The following ANKRD22 variants were observed in gnomAD, a reference collection of about 807,000 sequenced individuals.
ANKRD22 encodes the protein ankyrin repeat domain 22.
ANKRD22 carries 24 observed loss-of-function variants against 25.7 expected under a neutral mutation model. That is an observed-to-expected ratio of 0.93 (90% CI 0.68 to 1.31). ANKRD22 has a LOEUF of 1.31. ANKRD22 is among the 50% of genes most tolerant of loss of function. The pLI is 0.00. For missense variants in ANKRD22, 214 were observed against 227.1 expected (o/e 0.94, Z 0.37); for synonymous variants, 84 against 84.3 (o/e 1.00, Z 0.02).
intron 1 of ANKRD22, among the ~76,000 whole-genome samples, chr10:88,839,852 T>A (rs556849985): frequency 8.5e-5 from 13 of 152,290 alleles, no homozygotes; most frequent in Admixed American, 7.9e-4. Flanking sequence ...ATTGCAATCA[T>A]GTTTGCACCA....
chr10:88,826,428 A>T (rs1564602524), intron 3 of ANKRD22, among the ~76,000 whole-genome samples: 1 of 152,148 alleles, frequency 6.6e-6, no homozygotes, highest in South Asian at 2.1e-4. Flanking sequence ...TCCTGGCTCA[A>T]AGCTGTGCAA....
rs576187172 is a variant in ANKRD22 at position 88,825,987 on chromosome 10, A to C, written c.399+51T>G. 8.9e-6 allele frequency: 13 copies of C among 1,462,538 alleles called. No homozygotes were observed. In the East Asian group the frequency reaches 1.8e-4, roughly 20 times the overall value. 90.6% of individuals were successfully genotyped at this position (1,462,538 alleles called of 1,614,324 possible). ...TGTACAGATGACAAATACGCTACCT[A>C]CAAATACCATTTTGAATATTTTTTC... On this transcript the variant is annotated intron_variant, in intron 4 of 5. Coordinates refer to ENST00000371930, the MANE Select transcript of ANKRD22 (RefSeq NM_144590.3).
intron 1 of ANKRD22, among the ~76,000 whole-genome samples, chr10:88,840,566 G>A (rs1843994860): frequency 6.6e-6 from 1 of 151,802 alleles, no homozygotes; most frequent in Non-Finnish European, 1.5e-5. Context: ...AGAGGAATTG[G>A]TTCACTGTTT....
chr10:88,836,371 G>A (rs544930226), intron 1 of ANKRD22, among the ~76,000 whole-genome samples: 2 of 152,308 alleles, frequency 1.3e-5, no homozygotes, highest in Admixed American at 1.3e-4. Flanking sequence ...ATAAGAGAAG[G>A]AAGAAATTAT....
intron 1 of ANKRD22, among the ~76,000 whole-genome samples, chr10:88,844,300 G>T (rs1426539468): frequency 6.6e-6 from 1 of 152,122 alleles, no homozygotes; most frequent in Non-Finnish European, 1.5e-5. Context: ...AAGGAAAATT[G>T]GGTCTCGTAG....
At position 88,826,095 on chromosome 10, in the gene ANKRD22, A is replaced by T; in HGVS notation, c.342T>A (p.Asn114Lys). ...CAAGTAGCATTCGTACAAGAGCCTC[A>T]TTCTGCTTTGTCTTTGATACCTATT... is the stretch of plus-strand genomic sequence containing the variant. The part of the protein sequence containing the change: ...YFLMVSKTKQ[N>K]EALVRMLLDA... Residue 114 changes from asparagine to lysine, a missense_variant, in exon 4 of 6, where the codon AAT (asparagine) becomes AAA (lysine). Coordinates refer to ENST00000371930, the MANE Select transcript of ANKRD22 (RefSeq NM_144590.3). The T allele has an allele frequency of 1.2e-6, 2 of 1,612,592 alleles. No individual in the cohort carries two copies. The highest frequency in any genetic ancestry group is 1.7e-6 in the Non-Finnish European group (2 of 1,179,036).
chr10:88,839,408 G>A (rs1843984126), intron 1 of ANKRD22, among the ~76,000 whole-genome samples: 1 of 152,106 alleles, frequency 6.6e-6, no homozygotes, highest in African/African-American at 2.4e-5. Flanking sequence ...AACCACTGCT[G>A]TTCTGCAAGC....
chr10:88,828,623 G>A lies in ANKRD22; in HGVS notation c.257C>T (p.Thr86Ile), dbSNP rs139978877. 1.6e-4 allele frequency: 264 copies of A among 1,610,226 alleles called. 1 individual carries two copies. The African/African-American group carries it at 2.9e-3, about 17-fold the overall frequency. ...CLHYAVKKKFTFIDYLLIILL... is the reference protein window; with the variant it reads ...CLHYAVKKKFIFIDYLLIILL... ...GATAATTAGTAGATAATCAATGAAG[G>A]TAAATTTTTTCTTCACAGCATAATG... Residue 86 changes from threonine to isoleucine, a missense_variant, in exon 3 of 6, where the codon ACC becomes ATC. Physicochemically the swap from Thr to Ile is moderately conservative, Grantham distance 89 (BLOSUM62 -1). Coordinates refer to ENST00000371930, the MANE Select transcript of ANKRD22 (RefSeq NM_144590.3).
At chr10:88,827,978 C>T (rs140506467) in intron 3 of ANKRD22, among the ~76,000 whole-genome samples, 7 of 152,220 alleles carry the variant, frequency 4.6e-5, no homozygotes, top group African/African-American at 1.7e-4. Flanking sequence ...TCTTCTACTC[C>T]TCATATGACT....
At chr10:88,845,201 C>T (rs74147297) in intron 1 of ANKRD22, among the ~76,000 whole-genome samples, 1 of 152,078 alleles carries the variant, frequency 6.6e-6, no homozygotes, top group African/African-American at 2.4e-5. Flanking sequence ...CAGAAAATCT[C>T]CTGTTTGACT....
intron 4 of ANKRD22, among the ~76,000 whole-genome samples, chr10:88,825,381 T>C (rs4934423): frequency 0.31 from 46,632 of 152,224 alleles, 8,292 homozygotes; most frequent in East Asian, 0.44. Flanking sequence ...CAACACCTTA[T>C]GCTCATAAAC....
chr10:88,839,731 C>A (rs1843986938), intron 1 of ANKRD22, among the ~76,000 whole-genome samples: 1 of 152,128 alleles, frequency 6.6e-6, no homozygotes, highest in African/African-American at 2.4e-5. Context: ...ATGGATTCAT[C>A]CGATCTGGCT....
intron 1 of ANKRD22, among the ~76,000 whole-genome samples, chr10:88,838,262 T>C (rs1437560294): frequency 2.6e-5 from 4 of 152,068 alleles, no homozygotes; most frequent in Admixed American, 2.6e-4. Flanking sequence ...CAAACCTAGA[T>C]GAGGGAAGAG....
chr10:88,828,895 G>T (rs1324100042), intron 2 of ANKRD22, among the ~76,000 whole-genome samples: 1 of 152,132 alleles, frequency 6.6e-6, no homozygotes, highest in Non-Finnish European at 1.5e-5. Context: ...GTCAACAAAG[G>T]TGAAATGTAC....
Position 88,820,560 on chromosome 10 carries a change from A to G in ANKRD22, c.*2381T>C. On this transcript the variant is annotated 3_prime_UTR_variant, in exon 6 of 6. Transcript: ENST00000371930. Reference sequence around the variant, plus strand: ...CTGAGGGATGGGGCTAGGACCCATGAAGGCAGAATTACGGAGAGCAGAGAC... The same window carrying G: ...CTGAGGGATGGGGCTAGGACCCATGGAGGCAGAATTACGGAGAGCAGAGAC... The G allele has an allele frequency of 6.8e-7, 1 of 1,477,484 alleles. No homozygotes were observed. Among genetic ancestry groups the G allele is most frequent in the Non-Finnish European group, 9.1e-7 (1 of 1,104,508 alleles). The allele number at this position is 1,477,484 out of a possible 1,614,324, so 91.5% of individuals were successfully genotyped here. A position where few individuals can be genotyped will look rare whatever the true frequency, so the allele number is the denominator to read the frequency against.
chr10:88,829,997 T>C (rs1327257793), intron 2 of ANKRD22, among the ~76,000 whole-genome samples: 1 of 150,348 alleles, frequency 6.7e-6, no homozygotes, highest in East Asian at 2.0e-4. Flanking sequence ...CTATGTTGCC[T>C]AGGCAGGTCT....
intron 1 of ANKRD22, among the ~76,000 whole-genome samples, chr10:88,846,624 T>C (rs1012263102): frequency 6.6e-6 from 1 of 152,164 alleles, no homozygotes; most frequent in Non-Finnish European, 1.5e-5. Context: ...TTTGTTAGCA[T>C]GATAATGGAC....
chr10:88,850,567 G>T (rs563669425), intron 1 of ANKRD22, among the ~76,000 whole-genome samples: 3 of 152,062 alleles, frequency 2.0e-5, no homozygotes, highest in Non-Finnish European at 4.4e-5. Flanking sequence ...CTCTGGGTTG[G>T]AGTCCCTTGA....
chr10:88,834,831 T>G (rs1202516764), intron 1 of ANKRD22, among the ~76,000 whole-genome samples: 1 of 151,924 alleles, frequency 6.6e-6, no homozygotes, highest in East Asian at 1.9e-4. Flanking sequence ...TAATCCCAGC[T>G]ACTCTGGAGG....
Sources: gnomAD v4.1 joint callset for allele counts (sites outside exome capture counted in the v4.1 genomes callset) on GRCh38, gnomAD v4.1.1 for gene constraint, MANE v1.5 for transcripts, NCBI Gene and HGNC (gene_info 2026-07-23, HGNC 2026-07-21) for gene names.